Variants in NR3C2 observed in about 807,000 individuals in gnomAD.
NR3C2 encodes the protein mineralocorticoid receptor.
In NR3C2, 15 loss-of-function variants were observed where a neutral mutation model predicts 86.4. That is an observed-to-expected ratio of 0.17 (90% confidence interval 0.12 to 0.27). The LOEUF is 0.27. NR3C2 is among the 10% of genes least tolerant of loss of function. NR3C2 has a pLI of 1.00. For missense variants in NR3C2, 960 were observed against 1,195.6 expected (o/e 0.80, Z 2.91); for synonymous variants, 458 against 450.5 (o/e 1.02, Z -0.21).
rs1056536131 is a variant in NR3C2, at chr4:148,294,152, C to T, written c.1758-34035G>A. The stretch of plus-strand genomic sequence containing the variant: ...GAGCTAGGTTCGAATTGCATTTTTT[C>T]CACTTAGCAATACGTGATCTTGAAT... On this transcript the variant is annotated intron_variant, in intron 2 of 8. Coordinates refer to ENST00000358102, the MANE Select transcript of NR3C2 (RefSeq NM_000901.5). Among the ~76,000 whole-genome samples the T allele has an allele frequency of 9.9e-5, 15 of 152,260 alleles. No individual in the cohort carries two copies. In the South Asian group the frequency reaches 1.2e-3, roughly 13 times the overall value.
At chr4:148,299,050 C>T (rs560377666) in intron 2 of NR3C2, among the ~76,000 whole-genome samples, 1 of 152,272 alleles carries the variant, frequency 6.6e-6, no homozygotes, top group South Asian at 2.1e-4. Flanking sequence ...GCCCAGTATT[C>T]AATACGTGAG....
At chr4:148,129,816 G>A (rs1329565966) in intron 6 of NR3C2, among the ~76,000 whole-genome samples, 1 of 152,052 alleles carries the variant, frequency 6.6e-6, no homozygotes, top group East Asian at 1.9e-4. Context: ...GGCTGGTCTC[G>A]AACTCCTGAC....
At chr4:148,148,580 A>G (rs1733971532) in intron 6 of NR3C2, among the ~76,000 whole-genome samples, 1 of 152,144 alleles carries the variant, frequency 6.6e-6, no homozygotes, top group Admixed American at 6.5e-5. Flanking sequence ...CTCTTAGTTC[A>G]TTGAAGGCCC....
chr4:148,345,750 T>C (rs963043076), intron 2 of NR3C2, among the ~76,000 whole-genome samples: 1 of 152,012 alleles, frequency 6.6e-6, no homozygotes, highest in African/African-American at 2.4e-5. Context: ...GTGTTCTTTC[T>C]GGGTGTCTTC....
chr4:148,290,182 C>G (rs1190901393), intron 2 of NR3C2, among the ~76,000 whole-genome samples: 2 of 152,094 alleles, frequency 1.3e-5, no homozygotes, highest in African/African-American at 4.8e-5. Flanking sequence ...ATGGTCCGCT[C>G]TATACACAGA....
intron 8 of NR3C2, among the ~76,000 whole-genome samples, chr4:148,091,107 G>A (rs546658111): frequency 3.3e-5 from 5 of 152,356 alleles, no homozygotes; most frequent in East Asian, 3.9e-4. Flanking sequence ...AAGTGCTGGC[G>A]GCCACAGAAG....
At chr4:148,155,021 C>CGTTT (rs1734296372) in intron 4 of NR3C2, 120 bp from the exon 5 acceptor site, 8 of 799,946 alleles carry the variant, frequency 1.0e-5, no homozygotes, top group Non-Finnish European at 1.7e-5. Flanking sequence ...GGAACATGAC[C>CGTTT]GTTTATTCCA....
chr4:148,440,172 C>T (rs1421975554), intron 1 of NR3C2, among the ~76,000 whole-genome samples: 7 of 152,200 alleles, frequency 4.6e-5, no homozygotes, highest in South Asian at 4.1e-4. Flanking sequence ...AGCATCTGCA[C>T]GGCTTCTACA....
At chr4:148,170,524 TG>T (rs944822796) in intron 4 of NR3C2, among the ~76,000 whole-genome samples, 2 of 152,192 alleles carry the variant, frequency 1.3e-5, no homozygotes, top group African/African-American at 4.8e-5. Flanking sequence ...AAATTTTTTT[TG>T]AATCTGGCAA....
intron 2 of NR3C2, among the ~76,000 whole-genome samples, chr4:148,404,073 C>G (rs1416558689): frequency 6.6e-6 from 1 of 152,030 alleles, no homozygotes; most frequent in Non-Finnish European, 1.5e-5. Context: ...ATATTTTGAA[C>G]TCAGATGTAT....
intron 4 of NR3C2, among the ~76,000 whole-genome samples, chr4:148,193,165 T>A (rs1736281279): frequency 6.6e-6 from 1 of 152,216 alleles, no homozygotes; most frequent in African/African-American, 2.4e-5. Flanking sequence ...CTGCTGCTTC[T>A]TCTACCCTTG....
At chr4:148,444,068 C>G, upstream of NR3C2, 1 of 985,396 alleles carries the variant, frequency 1.0e-6, no homozygotes, top group East Asian at 1.1e-4. Context: ...CCGTCACGCG[C>G]ACTCTCCCGG....
chr4:148,085,141 C>T (rs972510608), intron 8 of NR3C2, among the ~76,000 whole-genome samples: 2 of 152,122 alleles, frequency 1.3e-5, no homozygotes, highest in Non-Finnish European at 2.9e-5. Flanking sequence ...AGCTCTGGAC[C>T]AAGCAGACCT....
intron 2 of NR3C2, among the ~76,000 whole-genome samples, chr4:148,356,908 T>G (rs562385654): frequency 3.2e-3 from 140 of 43,696 alleles, no homozygotes; most frequent in African/African-American, 8.4e-3. Flanking sequence ...ACTGTGTGTG[T>G]GTGTGTGTGT....
upstream of NR3C2, chr4:148,442,762 G>T: frequency 3.0e-6 from 3 of 985,450 alleles, no homozygotes; most frequent in Non-Finnish European, 2.4e-6. Context: ...GTGCCGGGCG[G>T]TGGCTACATC....
intron 3 of NR3C2, among the ~76,000 whole-genome samples, chr4:148,240,259 T>A (rs13139639): frequency 2.7e-5 from 4 of 147,774 alleles, no homozygotes; most frequent in African/African-American, 7.4e-5. Flanking sequence ...TATTTATATA[T>A]AAATATATAT....
intron 6 of NR3C2, among the ~76,000 whole-genome samples, chr4:148,143,738 G>A (rs1479186435): frequency 6.6e-6 from 1 of 152,068 alleles, no homozygotes; most frequent in South Asian, 2.1e-4. Flanking sequence ...CTCAGGTCAG[G>A]AGTTCGAGAC....
At chr4:148,345,393 TA>T (rs1000422906) in intron 2 of NR3C2, among the ~76,000 whole-genome samples, 1 of 151,300 alleles carries the variant, frequency 6.6e-6, no homozygotes, top group African/African-American at 2.4e-5. Context: ...TTGGCAAGAG[TA>T]AAAAAAATAC....
chr4:148,087,201 A>G (rs1560913475), intron 8 of NR3C2, among the ~76,000 whole-genome samples: 1 of 152,242 alleles, frequency 6.6e-6, no homozygotes, highest in Non-Finnish European at 1.5e-5. Flanking sequence ...CTAGGAATAC[A>G]ACATACAAGG....
Sources: gnomAD v4.1 joint callset for allele counts (sites outside exome capture counted in the v4.1 genomes callset) on GRCh38, gnomAD v4.1.1 for gene constraint, MANE v1.5 for transcripts, NCBI Gene and HGNC (gene_info 2026-07-23, HGNC 2026-07-21) for gene names.